The following ECRG4 variants were observed in gnomAD, a reference collection of about 807,000 sequenced individuals.
The protein encoded by ECRG4 is ECRG4 augurin precursor.
In ECRG4, 18 loss-of-function variants were observed where a neutral mutation model predicts 15.8. The ratio of observed to expected loss-of-function variants is 1.14; its 90% confidence interval spans 0.79 to 1.69. ECRG4 has a LOEUF of 1.69. Among genes scored for constraint, ECRG4 ranks in the 40% most tolerant of loss-of-function variants. The pLI, the probability that ECRG4 is intolerant of heterozygous loss-of-function variation, is 0.00. For synonymous variants in ECRG4, 82 were observed against 73.9 expected (o/e 1.11, Z -0.56); for missense variants, 200 against 190.9 (o/e 1.05, Z -0.28).
upstream of ECRG4, among the ~76,000 whole-genome samples, chr2:106,065,334 TG>T (rs5833168): frequency 0.28 from 42,353 of 151,790 alleles, 6,129 homozygotes; most frequent in South Asian, 0.36. Context: ...ACCCCAGCGC[TG>T]GGATCCGGCA....
chr2:106,065,811 T>C lies in ECRG4; in HGVS notation c.47T>C (p.Leu16Pro). 1 of 1,486,394 alleles carries C rather than the reference T, an allele frequency of 6.7e-7. No homozygotes were observed. The allele number at this position is 1,486,394 out of a possible 1,614,324, so 92.1% of individuals were successfully genotyped here. ...CCTGCTGTCCTGGCCCTGACCGGGC[T>C]GGCGCTGCTCCTGCTCCTGTGCTGG... ...ARPAVLALTGLALLLLLCWGP... is the reference protein window; with the variant it reads ...ARPAVLALTGPALLLLLCWGP... The change falls in exon 1 of 4, where the codon CTG becomes CCG. Residue 16 changes from leucine to proline, a missense_variant. Transcript: ENST00000238044.
At chr2:106,071,322 TAAAAAAAAAAAAAAAAA>T (rs10649647) in intron 1 of ECRG4, among the ~76,000 whole-genome samples, 21 of 78,328 alleles carry the variant, frequency 2.7e-4, no homozygotes, top group East Asian at 1.5e-3. Flanking sequence ...GGTAAGGCTG[TAAAAAAAAAAAAAAAAA>T]AAAAAAAAAA....
At chr2:106,071,322 T>TAAAAAAAAAAAAAAAAAAAAAAAAAA (rs10649647) in intron 1 of ECRG4, among the ~76,000 whole-genome samples, 40 of 78,326 alleles carry the variant, frequency 5.1e-4, no homozygotes, top group East Asian at 7.7e-4. Flanking sequence ...GGTAAGGCTG[T>TAAAAAAAAAAAAAAAAAAAAAAAAAA]AAAAAAAAAA....
chr2:106,073,442 A>C (rs1368528710), intron 2 of ECRG4, among the ~76,000 whole-genome samples: 2 of 152,112 alleles, frequency 1.3e-5, no homozygotes, highest in African/African-American at 4.8e-5. Flanking sequence ...TTTTTCTTAC[A>C]TAATCTCCTG....
rs1352399445 is a variant in ECRG4 at position 106,077,815 on chromosome 2, T to G, written c.336T>G (p.His112Gln). 6.2e-7 allele frequency: 1 copy of G among 1,614,056 alleles called. No homozygotes were observed. Among genetic ancestry groups the G allele is most frequent in the Non-Finnish European group, 8.5e-7 (1 of 1,180,030 alleles). The change falls in exon 4 of 4, where the codon CAT becomes CAG. Residue 112 changes from histidine (H) to glutamine (Q), a missense_variant. By Grantham distance (24) the His-to-Gln change is conservative. Transcript: ENST00000238044. ...GGCTTAACAGAGATCGAAATGGACA[T>G]GAATACTATGGCGATTACTACCAAC... ...TYWLNRDRNGHEYYGDYYQRH... is the reference protein window; with the variant it reads ...TYWLNRDRNGQEYYGDYYQRH...
intron 1 of ECRG4, chr2:106,070,884 T>C (rs1388617131): frequency 2.1e-6 from 1 of 470,816 alleles, no homozygotes; most frequent in African/African-American, 2.0e-5. Context: ...TCCAGTTCCT[T>C]ACACCCGAAG....
upstream of ECRG4, among the ~76,000 whole-genome samples, chr2:106,065,460 C>T (rs1316580209): frequency 6.6e-6 from 1 of 152,212 alleles, no homozygotes; most frequent in Non-Finnish European, 1.5e-5. Context: ...GCAGCGCTGG[C>T]CACGCGGCCC....
intron 2 of ECRG4, among the ~76,000 whole-genome samples, chr2:106,073,107 G>C (rs1429436647): frequency 6.6e-6 from 1 of 152,190 alleles, no homozygotes; most frequent in South Asian, 2.1e-4. Flanking sequence ...ACGTCATCGA[G>C]AGGGACTGTC....
At position 106,077,836 on chromosome 2, in the gene ECRG4, C is replaced by T. The variant is rs1450358961; in HGVS notation, c.357C>T (p.Tyr119=). The change falls in exon 4 of 4, where the codon TAC becomes TAT. Residue 119 remains tyrosine, a synonymous_variant. Coordinates refer to ENST00000238044, the MANE Select transcript of ECRG4 (RefSeq NM_032411.3). ...RNGHEYYGDY[Y]QRHYDEDSAI... Reference sequence around the variant, plus strand: ...GACATGAATACTATGGCGATTACTACCAACGTCACTATGATGAAGACTCTG... The same window carrying T: ...GACATGAATACTATGGCGATTACTATCAACGTCACTATGATGAAGACTCTG... 1.2e-6 allele frequency: 2 copies of T among 1,614,006 alleles called. No individual in the cohort carries two copies.
intron 1 of ECRG4, among the ~76,000 whole-genome samples, chr2:106,066,534 C>T (rs1304555266): frequency 6.6e-6 from 1 of 152,186 alleles, no homozygotes; most frequent in Admixed American, 6.5e-5. Context: ...CGTGGTTTGT[C>T]CTGAGTTACC....
In ECRG4 at chr2:106,077,779, C is replaced by T. The variant is rs750023164; in HGVS notation, c.300C>T (p.Asp100=). The stretch of plus-strand genomic sequence containing the variant: ...TTTTCCTCCAGAAATTTGAAGATGA[C>T]ATCACCTATTGGCTTAACAGAGATC... The part of the protein sequence containing the change: ...MGFDEAKFED[D]ITYWLNRDRN... Residue 100 remains aspartate (D), a synonymous_variant, in exon 4 of 4, where the codon GAC becomes GAT. Coordinates refer to ENST00000238044, the MANE Select transcript of ECRG4 (RefSeq NM_032411.3). The T allele has an allele frequency of 3.7e-6, 6 of 1,613,650 alleles. No homozygotes were observed. Among genetic ancestry groups the T allele is most frequent in the Non-Finnish European group, 5.1e-6 (6 of 1,179,856 alleles).
At chr2:106,074,441 G>A (rs1019225544) in intron 3 of ECRG4, among the ~76,000 whole-genome samples, 1 of 152,150 alleles carries the variant, frequency 6.6e-6, no homozygotes, top group African/African-American at 2.4e-5. Flanking sequence ...AGGGATGCCG[G>A]GATCTATGAT....
intron 3 of ECRG4, chr2:106,074,310 G>C: frequency 2.6e-6 from 1 of 380,062 alleles, no homozygotes; most frequent in Non-Finnish European, 4.8e-6. Context: ...GATTCATCGA[G>C]AATCTGACTT....
rs1415577207 is a variant in ECRG4, at chr2:106,073,932, C to T, written c.174C>T (p.Ala58=). 1.2e-6 allele frequency: 2 copies of T among 1,614,192 alleles called. No individual in the cohort carries two copies. Among genetic ancestry groups the T allele is most frequent in the Admixed American group, 3.3e-5 (2 of 60,024 alleles). ...KTKVAVDENK[A]KEFLGSLKRQ... ...AAGTGGCCGTTGATGAGAATAAAGC[C>T]AAAGAATTCCTTGGCAGCCTGAAGC... The change falls in exon 3 of 4, where the codon GCC becomes GCT. Residue 58 remains alanine, a synonymous_variant. Coordinates refer to ENST00000238044, the MANE Select transcript of ECRG4 (RefSeq NM_032411.3).
At chr2:106,074,278 G>A in intron 3 of ECRG4, 1 of 499,344 alleles carries the variant, frequency 2.0e-6, no homozygotes, top group Middle Eastern at 5.4e-4. Flanking sequence ...CGGCAGTCAT[G>A]AACCAAAACA....
chr2:106,065,629 G>T (rs1333729655), upstream of ECRG4: 3 of 586,750 alleles, frequency 5.1e-6, no homozygotes, highest in African/African-American at 2.0e-5. Flanking sequence ...GCGCCCACCC[G>T]CTGGGTCCCG....
chr2:106,070,694 C>A (rs911638053), intron 1 of ECRG4: 29 of 224,080 alleles, frequency 1.3e-4, no homozygotes, highest in African/African-American at 6.6e-4. Context: ...TTATTTGGGT[C>A]ACAGACACTT....
chr2:106,072,088 T>C (rs1024943795), intron 2 of ECRG4, 197 bp downstream of exon 2: 2 of 522,442 alleles, frequency 3.8e-6, no homozygotes, highest in Non-Finnish European at 6.8e-6. Context: ...TGCCAGTAAA[T>C]GTCTGAAGGT....
chr2:106,076,828 G>A (rs568913647), intron 3 of ECRG4, among the ~76,000 whole-genome samples: 155 of 152,216 alleles, frequency 1.0e-3, no homozygotes, highest in African/African-American at 3.1e-3. Context: ...GGCATGACCC[G>A]TTCACCCAGC....
Sources: allele counts gnomAD v4.1 joint callset (sites outside exome capture counted in the v4.1 genomes callset), GRCh38; gene constraint gnomAD v4.1.1; transcripts MANE v1.5; gene names NCBI Gene and HGNC (gene_info 2026-07-23, HGNC 2026-07-21).